The following CDH2 variants were observed in gnomAD, a reference collection of about 807,000 sequenced individuals.
CDH2 encodes the protein cadherin 2, also known as cadherin-2.
A neutral mutation model predicts 92.0 loss-of-function variants in CDH2; 17 were observed. That is an observed-to-expected ratio of 0.18 (90% confidence interval 0.13 to 0.28). The LOEUF (loss-of-function observed/expected upper bound fraction) is 0.28. Among genes scored for constraint, CDH2 ranks in the 10% least tolerant of loss-of-function variants. The pLI is 1.00. For synonymous variants in CDH2, 419 were observed against 415.9 expected, an observed-to-expected ratio of 1.01 and a Z score of -0.09; for missense variants, 862 against 1,133.1, an observed-to-expected ratio of 0.76 and a Z score of 3.44.
At chr18:28,054,699 CTT>C (rs1362667298) in intron 2 of CDH2, among the ~76,000 whole-genome samples, 1 of 152,122 alleles carries the variant, frequency 6.6e-6, no homozygotes, top group East Asian at 1.9e-4. Flanking sequence ...CCCCGAAAGA[CTT>C]TACTTCCAGG....
At position 28,089,680 on chromosome 18, in the gene CDH2, T is replaced by C. The variant is rs370796366; in HGVS notation, c.172+57993A>G. On this transcript the variant is annotated intron_variant, in intron 2 of 15. Coordinates refer to ENST00000269141, the MANE Select transcript of CDH2 (RefSeq NM_001792.5). ...GGTTATATCTAATTTATGCATTTCC[T>C]AATTGGTCCAACCTGTAACTGGTTT... Among the ~76,000 whole-genome samples the C allele has an allele frequency of 3.1e-4, 47 of 152,350 alleles. No individual in the cohort carries two copies. The South Asian group carries it at 9.1e-3, about 30-fold the overall frequency.
chr18:27,992,933 ATTAGAT>A, intron 8 of CDH2, 93 bp from the exon 9 acceptor site: 2 of 807,898 alleles, frequency 2.5e-6, no homozygotes, highest in Non-Finnish European at 1.9e-6. Flanking sequence ...TTACTGCCCC[ATTAGAT>A]TTTTATTATC....
At position 28,075,137 on chromosome 18, in the gene CDH2, G is replaced by A. The variant is rs149931172; in HGVS notation, c.173-61228C>T. On this transcript the variant is annotated intron_variant, in intron 2 of 15. Transcript: ENST00000269141. ...TCTAGTGACTATACTGAGTTCTACA[G>A]ATACAACATGAAGTAAGACACAAAT... Among the ~76,000 whole-genome samples, 94 of 152,216 alleles carry A rather than the reference G, an allele frequency of 6.2e-4. 3 individuals are homozygous for A. The East Asian group carries it at 0.017, about 27-fold the overall frequency.
chr18:28,026,962 C>T lies in CDH2; in HGVS notation c.173-13053G>A, dbSNP rs561589608. Among the ~76,000 whole-genome samples the T allele has an allele frequency of 2.6e-5, 4 of 152,208 alleles. No homozygotes were observed. In the East Asian group the frequency reaches 7.7e-4, roughly 29 times the overall value. On this transcript the variant is annotated intron_variant, in intron 2 of 15. Transcript: ENST00000269141. ...GGTAGAAGGGACACATATCACTTTA[C>T]AGCAGAAGCATTTAAAAGTTGATGC... is the stretch of plus-strand genomic sequence containing the variant.
At chr18:28,123,470 T>A (rs2144276410) in intron 2 of CDH2, among the ~76,000 whole-genome samples, 1 of 152,314 alleles carries the variant, frequency 6.6e-6, no homozygotes, top group African/African-American at 2.4e-5. Flanking sequence ...TCAATTTTCC[T>A]TTCTTGAATC....
At chr18:28,150,510 G>A (rs948160269) in intron 1 of CDH2, among the ~76,000 whole-genome samples, 3 of 152,180 alleles carry the variant, frequency 2.0e-5, no homozygotes, top group African/African-American at 7.2e-5. Flanking sequence ...GGAAGACAGT[G>A]AATGTTCACC....
intron 2 of CDH2, among the ~76,000 whole-genome samples, chr18:28,108,430 T>C (rs17446560): frequency 1.9e-3 from 296 of 152,270 alleles, no homozygotes; most frequent in Non-Finnish European, 3.2e-3. Flanking sequence ...GATCCATTTG[T>C]TGAGATAGCA....
At chr18:28,034,511 T>C (rs1483513512) in intron 2 of CDH2, among the ~76,000 whole-genome samples, 3 of 152,024 alleles carry the variant, frequency 2.0e-5, no homozygotes, top group Non-Finnish European at 4.4e-5. Context: ...GAACTACAGA[T>C]GAAAGAGCAG....
chr18:28,075,419 C>A lies in CDH2; in HGVS notation c.173-61510G>T, dbSNP rs1166359671. 3.9e-5 allele frequency among the ~76,000 whole-genome samples: 6 copies of A among 152,112 alleles called. No homozygotes were observed. In the South Asian group the frequency reaches 8.3e-4, roughly 21 times the overall value. On this transcript the variant is annotated intron_variant, in intron 2 of 15. Transcript: ENST00000269141. ...ATCCTTCTATTTCCAGGGCCACACA[C>A]CCGATTCCAGAGGCTTAAGAGTGCT...
At position 27,983,001 on chromosome 18, in the gene CDH2, A is replaced by T; in HGVS notation, c.2292T>A (p.Asp764Glu). Residue 764 changes from aspartate to glutamate, a missense_variant, in exon 14 of 16, where the codon GAT becomes GAA. This residue lies in a region of CDH2 where 564 missense variants were observed against 722.2 expected (regional missense o/e 0.78). Transcript: ENST00000269141. ...ATTTTAAAATATTATCTCTTACATC[A>T]TCTTCTGGATCAATTAAAAGTTGTT... ...QAKQLLIDPE[D>E]DVRDNILKYD... is the part of the protein sequence containing the mutation. 2.5e-6 allele frequency: 4 copies of T among 1,609,116 alleles called. No homozygotes were observed. Among genetic ancestry groups the T allele is most frequent in the Non-Finnish European group, 3.4e-6 (4 of 1,176,026 alleles).
In CDH2 at chr18:28,007,185, T is replaced by A. The variant is rs1231692516; in HGVS notation, c.703-1192A>T. ...AAAAAAATATATATATATATATATATATATATATACGAGTATATACGATAG... is the reference window on the plus strand; with the variant it reads ...AAAAAAATATATATATATATATATAAATATATATACGAGTATATACGATAG... On this transcript the variant is annotated intron_variant, in intron 5 of 15. Transcript: ENST00000269141. Among the ~76,000 whole-genome samples, 6 of 144,004 alleles carry A rather than the reference T, an allele frequency of 4.2e-5. 1 individual carries two copies. Among genetic ancestry groups the A allele is most frequent in the African/African-American group, 1.3e-4 (5 of 38,722 alleles). The allele number at this position is 144,004 out of a possible 152,430, so 94.5% of individuals were successfully genotyped here.
In CDH2 at chr18:28,020,108, C is replaced by T. The variant is rs1311794395; in HGVS notation, c.173-6199G>A. Among the ~76,000 whole-genome samples the T allele has an allele frequency of 4.6e-5, 7 of 152,152 alleles. No individual in the cohort carries two copies. The South Asian group carries it at 8.3e-4, about 18-fold the overall frequency. On this transcript the variant is annotated intron_variant, in intron 2 of 15. Transcript: ENST00000269141. ...ATCATCCACTGGTCAAGGTTTATTG[C>T]CTGTTGTCTGGTTCACCTATGACTT...
intron 15 of CDH2, among the ~76,000 whole-genome samples, chr18:27,956,599 T>C (rs2011251365): frequency 6.6e-6 from 1 of 152,168 alleles, no homozygotes; most frequent in Non-Finnish European, 1.5e-5. Context: ...CCTGCCTAAC[T>C]GGTCTTCGCC....
At chr18:28,028,752 G>T (rs1183318412) in intron 2 of CDH2, among the ~76,000 whole-genome samples, 1 of 152,000 alleles carries the variant, frequency 6.6e-6, no homozygotes, top group East Asian at 1.9e-4. Flanking sequence ...TTTAACAAAA[G>T]AAATATCCAA....
chr18:28,004,995 A>C (rs2012874505), intron 6 of CDH2, among the ~76,000 whole-genome samples: 1 of 152,234 alleles, frequency 6.6e-6, no homozygotes, highest in Admixed American at 6.5e-5. Context: ...ATGCAGCACA[A>C]TTTTAAATGC....
chr18:28,014,892 G>C (rs2013200039), intron 2 of CDH2, among the ~76,000 whole-genome samples: 1 of 152,070 alleles, frequency 6.6e-6, no homozygotes, highest in South Asian at 2.1e-4. Context: ...TTCCTTTAAA[G>C]TCCTTAATTG....
intron 7 of CDH2, among the ~76,000 whole-genome samples, chr18:27,999,358 T>C (rs111544749): frequency 4.9e-4 from 75 of 152,112 alleles, no homozygotes; most frequent in African/African-American, 1.8e-3. Context: ...GCTACCACAG[T>C]GGAGACCCAG....
chr18:28,113,400 A>G (rs2015443960), intron 2 of CDH2, among the ~76,000 whole-genome samples: 1 of 151,956 alleles, frequency 6.6e-6, no homozygotes, highest in South Asian at 2.1e-4. Context: ...CATATTGAAC[A>G]GAACATTTAA....
chr18:28,068,334 C>T (rs2014549727), intron 2 of CDH2, among the ~76,000 whole-genome samples: 2 of 152,188 alleles, frequency 1.3e-5, no homozygotes, highest in South Asian at 4.1e-4. Flanking sequence ...TGAACAATGG[C>T]TATCTATAAA....
Sources: gnomAD v4.1 joint callset for allele counts (sites outside exome capture counted in the v4.1 genomes callset) on GRCh38, gnomAD v4.1.1 for gene constraint, gnomAD v4.1.1 regional missense constraint, MANE v1.5 for transcripts, NCBI Gene and HGNC (gene_info 2026-07-23, HGNC 2026-07-21) for gene names.